The following MTMR7 variants were observed in gnomAD, a reference collection of about 807,000 sequenced individuals.
The protein encoded by MTMR7 is myotubularin related protein 7.
Under a neutral mutation model 81.2 loss-of-function variants are expected in MTMR7, and 76 were observed. The observed-to-expected ratio is 0.94, with a 90% CI of 0.78 to 1.13. The LOEUF is 1.13. MTMR7 is among the 50% of genes most tolerant of loss of function. The pLI, the probability that MTMR7 is intolerant of heterozygous loss-of-function variation, is 0.00. For synonymous variants in MTMR7, 372 were observed against 289.8 expected, an observed-to-expected ratio of 1.28 and a Z score of -2.88; for missense variants, 1,044 against 820.0, an observed-to-expected ratio of 1.27 and a Z score of -3.34.
chr8:17,342,035 C>A (rs1188402419), intron 5 of MTMR7, among the ~76,000 whole-genome samples: 1 of 151,996 alleles, frequency 6.6e-6, no homozygotes, highest in African/African-American at 2.4e-5. Flanking sequence ...AGGTTTGAAA[C>A]CGAAGGACAG....
intron 1 of MTMR7, among the ~76,000 whole-genome samples, chr8:17,383,566 T>A (rs1303581477): frequency 6.6e-6 from 1 of 152,178 alleles, no homozygotes; most frequent in African/African-American, 2.4e-5. Context: ...TCAGTCTGGG[T>A]CTAATATTGC....
At chr8:17,304,219 C>CA (rs1426720926) in intron 12 of MTMR7, among the ~76,000 whole-genome samples, 160 bp downstream of exon 12, 1 of 152,158 alleles carries the variant, frequency 6.6e-6, no homozygotes, top group Admixed American at 6.5e-5. Flanking sequence ...GAGTCACTGG[C>CA]AAAAATACCA....
At chr8:17,309,150 T>C (rs758402089) in intron 10 of MTMR7, 127 bp downstream of exon 10, 51 of 662,702 alleles carry the variant, frequency 7.7e-5, no homozygotes, top group Non-Finnish European at 1.2e-4. Context: ...TACAACAAAA[T>C]TTAAGCTTTC....
intron 4 of MTMR7, among the ~76,000 whole-genome samples, chr8:17,356,846 G>A (rs1402655298): frequency 1.3e-5 from 2 of 152,130 alleles, no homozygotes; most frequent in Middle Eastern, 3.2e-3. Flanking sequence ...AATACCAACC[G>A]TCGGGGAGTC....
chr8:17,383,714 C>G (rs545752092), intron 1 of MTMR7, among the ~76,000 whole-genome samples: 11 of 152,194 alleles, frequency 7.2e-5, no homozygotes, highest in Non-Finnish European at 1.5e-4. Flanking sequence ...ACCAGCTTGG[C>G]TGGCCATGTG....
intron 1 of MTMR7, among the ~76,000 whole-genome samples, chr8:17,396,556 G>A (rs1169824904): frequency 6.6e-6 from 1 of 152,150 alleles, no homozygotes; most frequent in Admixed American, 6.6e-5. Flanking sequence ...GAGGGAAATT[G>A]CCTATCCCAG....
rs1219271179 is a variant in MTMR7 at position 17,298,146 on chromosome 8, A to G, written c.*1716T>C. The G allele has an allele frequency of 6.6e-6, 1 of 152,092 alleles. No homozygotes were observed. The highest frequency in any genetic ancestry group is 1.5e-5 in the Non-Finnish European group (1 of 67,936). The allele number at this position is 152,092 out of a possible 1,614,324, so 9.4% of individuals were successfully genotyped here. A position where few individuals can be genotyped will look rare whatever the true frequency, so the allele number is the denominator to read the frequency against. ...GAGTTTCTAAGAGTGGACAGCTCCA[A>G]GAAGGTTGTGAAGTGAGTTATGTTA... On this transcript the variant is annotated 3_prime_UTR_variant, in exon 14 of 14. Transcript: ENST00000180173.
chr8:17,354,602 A>G (rs572510693), intron 4 of MTMR7, among the ~76,000 whole-genome samples: 2 of 152,210 alleles, frequency 1.3e-5, no homozygotes, highest in Non-Finnish European at 2.9e-5. Context: ...TTTGTATTCT[A>G]CGTCTGCTGT....
chr8:17,397,107 G>C (rs747153534), intron 1 of MTMR7, among the ~76,000 whole-genome samples: 1 of 152,050 alleles, frequency 6.6e-6, no homozygotes, highest in African/African-American at 2.4e-5. Flanking sequence ...GGGTGAGACT[G>C]AGGCGTGCTG....
intron 5 of MTMR7, among the ~76,000 whole-genome samples, chr8:17,341,816 T>G (rs1025644923): frequency 1.3e-5 from 2 of 152,180 alleles, no homozygotes; most frequent in Admixed American, 1.3e-4. Flanking sequence ...TTCATTTTCC[T>G]GCTGAAAGAA....
At chr8:17,393,736 G>C (rs1288921721) in intron 1 of MTMR7, among the ~76,000 whole-genome samples, 2 of 152,154 alleles carry the variant, frequency 1.3e-5, no homozygotes, top group African/African-American at 2.4e-5. Context: ...AGAAATAAAA[G>C]CTAATGGATG....
intron 1 of MTMR7, among the ~76,000 whole-genome samples, chr8:17,375,537 G>C (rs569514630): frequency 8.4e-5 from 11 of 130,576 alleles, no homozygotes; most frequent in Admixed American, 2.4e-4. Flanking sequence ...ACATTCTTTT[G>C]TATGGTTATC....
chr8:17,390,782 C>T (rs971153188), intron 1 of MTMR7, among the ~76,000 whole-genome samples: 9 of 152,154 alleles, frequency 5.9e-5, no homozygotes, highest in African/African-American at 1.9e-4. Context: ...AGGGGAAGAG[C>T]CCCTTATGAA....
chr8:17,389,011 G>A (rs550789785), intron 1 of MTMR7, among the ~76,000 whole-genome samples: 3 of 152,308 alleles, frequency 2.0e-5, no homozygotes, highest in Admixed American at 2.0e-4. Context: ...CAGACCCAAT[G>A]ATGTGGAGGC....
intron 1 of MTMR7, among the ~76,000 whole-genome samples, chr8:17,397,247 G>T (rs1300514212): frequency 6.6e-6 from 1 of 152,014 alleles, no homozygotes; most frequent in Admixed American, 6.5e-5. Context: ...AGCCATAGCG[G>T]GATAGAGTAT....
chr8:17,379,783 G>C (rs1820704040), intron 1 of MTMR7, among the ~76,000 whole-genome samples: 1 of 152,074 alleles, frequency 6.6e-6, no homozygotes, highest in African/African-American at 2.4e-5. Context: ...GGGGTTTTTT[G>C]ATTGTTTGTT....
chr8:17,399,161 A>C (rs1821349341), intron 1 of MTMR7, among the ~76,000 whole-genome samples: 1 of 152,114 alleles, frequency 6.6e-6, no homozygotes, highest in Non-Finnish European at 1.5e-5. Context: ...AAAAATAAAG[A>C]GCATCCAAAC....
chr8:17,300,136 G>T lies in MTMR7; in HGVS notation c.1709C>A (p.Thr570Asn). ...AGTGTTGGCTATGCTGTTGTCTGAGGTAGAAAACCCTGAGTGCTTGCTGGG... is the reference window on the plus strand; with the variant it reads ...AGTGTTGGCTATGCTGTTGTCTGAGTTAGAAAACCCTGAGTGCTTGCTGGG... ...SEPSKHSGFS[T>N]SDNSIANTPQ... Residue 570 changes from threonine (T) to asparagine (N), a missense_variant, in exon 14 of 14, where the codon ACC becomes AAC. Transcript: ENST00000180173. 6.2e-7 allele frequency: 1 copy of T among 1,614,086 alleles called. No individual in the cohort carries two copies. Among genetic ancestry groups the T allele is most frequent in the Non-Finnish European group, 8.5e-7 (1 of 1,180,008 alleles).
intron 12 of MTMR7, among the ~76,000 whole-genome samples, chr8:17,302,638 C>G (rs1164430751): frequency 7.5e-6 from 1 of 132,610 alleles, no homozygotes; most frequent in Non-Finnish European, 1.6e-5. Context: ...CAAAGGGAAT[C>G]TTAAACTTGC....
Sources: allele counts gnomAD v4.1 joint callset (sites outside exome capture counted in the v4.1 genomes callset), GRCh38; gene constraint gnomAD v4.1.1; transcripts MANE v1.5; gene names NCBI Gene and HGNC (gene_info 2026-07-23, HGNC 2026-07-21).